Variants in NME9 observed in about 807,000 individuals in gnomAD.
NME9 encodes thioredoxin domain-containing protein 6.
NME9 carries 48 observed loss-of-function variants against 44.4 expected under a neutral mutation model. That is an observed-to-expected ratio of 1.08 (90% CI 0.86 to 1.37). The LOEUF (loss-of-function observed/expected upper bound fraction) is 1.37. Ranked by LOEUF, NME9 falls within the 40% of genes most tolerant of loss-of-function variation. NME9 has a pLI of 0.00. For synonymous variants in NME9, 139 were observed against 147.1 expected (o/e 0.94, Z 0.40); for missense variants, 325 against 405.2 (o/e 0.80, Z 1.70).
intron 8 of NME9, chr3:138,290,486 T>C (rs1283626650): frequency 2.4e-6 from 3 of 1,231,480 alleles, no homozygotes; most frequent in Middle Eastern, 3.8e-4. Flanking sequence ...TTGTTAATTG[T>C]ACATCAAAGA....
Position 138,324,284 on chromosome 3 carries a change from G to A in NME9, c.91+589C>T, listed in dbSNP as rs1475708770. On this transcript the variant is annotated intron_variant, in intron 2 of 10. Transcript: ENST00000333911. The stretch of plus-strand genomic sequence containing the variant: ...CTCGTTGAGCCTTGAGATCCCGTCT[G>A]ATACCTTAACTACCGTGGTGAGACA... 1.4e-5 allele frequency: 5 copies of A among 350,424 alleles called. No individual in the cohort carries two copies. The Admixed American group carries it at 1.8e-4, about 13-fold the overall frequency. The allele number at this position is 350,424 out of a possible 1,614,324, so 21.7% of individuals were successfully genotyped here.
chr3:138,318,872 A>T (rs1268700719), intron 3 of NME9, among the ~76,000 whole-genome samples: 1 of 152,166 alleles, frequency 6.6e-6, no homozygotes, highest in Non-Finnish European at 1.5e-5. Context: ...TTGCTCTGAA[A>T]ATGACATTTC....
In NME9 at chr3:138,301,609, T is replaced by C. The variant is rs987663683; in HGVS notation, c.*31A>G. The C allele has an allele frequency of 6.5e-7, 1 of 1,535,936 alleles. No homozygotes were observed. Among genetic ancestry groups the C allele is most frequent in the African/African-American group, 1.4e-5 (1 of 73,044 alleles). The stretch of plus-strand genomic sequence containing the variant: ...TCTGTTTTGTGCAGTAGACCCCTGG[T>C]CACGTGCTCTGGAAGAGCAGCACAG... On this transcript the variant is annotated 3_prime_UTR_variant, in exon 11 of 11. Coordinates refer to ENST00000333911, the MANE Select transcript of NME9 (RefSeq NM_001349018.2).
intron 2 of NME9, 94 bp downstream of exon 2, chr3:138,324,779 T>C (rs2053677725): frequency 3.3e-6 from 3 of 910,866 alleles, no homozygotes; most frequent in Admixed American, 3.6e-5. Context: ...AATAGGAAAG[T>C]GGTGTTCATT....
chr3:138,322,072 G>T (rs529375317), intron 2 of NME9, among the ~76,000 whole-genome samples: 2 of 151,820 alleles, frequency 1.3e-5, no homozygotes, highest in African/African-American at 4.8e-5. Context: ...GACAGATTTT[G>T]TTTTTTTTAA....
In NME9 at chr3:138,283,581, C is replaced by T. The variant is rs76246933; in HGVS notation, c.745+19926G>A. Among the ~76,000 whole-genome samples, 1,049 of 152,266 alleles carry T rather than the reference C, an allele frequency of 6.9e-3. 9 individuals carry two copies. Among genetic ancestry groups the T allele is most frequent in the African/African-American group, 0.024 (1,001 of 41,534 alleles). ...CCTGATGCCCTGCAGAGGGCATACC[C>T]ATAATAGTTACTTAGTAAATGGTTT... On this transcript the variant is annotated intron_variant, in intron 8 of 8. Transcript: ENST00000317876.
chr3:138,305,097 A>C, intron 8 of NME9, 70 bp from the exon 9 acceptor site: 1 of 1,439,858 alleles, frequency 6.9e-7, no homozygotes, highest in African/African-American at 1.4e-5. Flanking sequence ...CAGCGAGCCC[A>C]TCTCACCCAC....
chr3:138,324,986 T>G, intron 1 of NME9, 56 bp from the exon 2 acceptor site: 1 of 1,365,986 alleles, frequency 7.3e-7, no homozygotes. Context: ...AGGGAAACAA[T>G]TCAATCTATT....
At chr3:138,287,617 C>G (rs1309399007) in intron 8 of NME9, 1 of 456,510 alleles carries the variant, frequency 2.2e-6, no homozygotes, top group Admixed American at 2.3e-5. Flanking sequence ...AAGTTTTATT[C>G]TGTTTTGTCT....
At chr3:138,301,800 G>T in intron 10 of NME9, 96 bp from the exon 11 acceptor site, 2 of 985,186 alleles carry the variant, frequency 2.0e-6, no homozygotes, top group Non-Finnish European at 1.5e-6. Context: ...GAAGTTAAAG[G>T]TCAGAGCAGG....
intron 8 of NME9, among the ~76,000 whole-genome samples, chr3:138,288,763 T>A (rs2050667406): frequency 6.6e-6 from 1 of 150,550 alleles, no homozygotes; most frequent in South Asian, 2.1e-4. Context: ...TCAGCCTCCC[T>A]AGTAGCTGAG....
At chr3:138,278,900 G>T (rs13059110) in intron 8 of NME9, among the ~76,000 whole-genome samples, 13,518 of 152,116 alleles carry the variant, frequency 0.089, 785 homozygotes, top group Non-Finnish European at 0.14. Context: ...CTTGTATCCT[G>T]CATTCTTGCC....
chr3:138,310,026 A>C (rs1037432362), intron 6 of NME9, among the ~76,000 whole-genome samples: 3 of 152,064 alleles, frequency 2.0e-5, no homozygotes, highest in African/African-American at 7.2e-5. Flanking sequence ...AAAAAAAAAA[A>C]AGAAAAGAAA....
At chr3:138,306,260 A>C in intron 7 of NME9, 138 bp downstream of exon 7, 1 of 847,752 alleles carries the variant, frequency 1.2e-6, no homozygotes, top group Admixed American at 2.0e-5. Flanking sequence ...ATTTTCATTT[A>C]CTTGAATGGA....
intron 8 of NME9, among the ~76,000 whole-genome samples, chr3:138,293,402 G>A (rs1167275064): frequency 6.6e-6 from 1 of 152,194 alleles, no homozygotes; most frequent in African/African-American, 2.4e-5. Context: ...AGCAGGGCAT[G>A]GTAGTACGTG....
At chr3:138,313,871 A>G (rs1473229938) in intron 6 of NME9, among the ~76,000 whole-genome samples, 1 of 152,216 alleles carries the variant, frequency 6.6e-6, no homozygotes, top group Non-Finnish European at 1.5e-5. Context: ...GGATCTCATG[A>G]AGATAGAGAG....
At chr3:138,308,517 G>A (rs565614667) in intron 6 of NME9, among the ~76,000 whole-genome samples, 12 of 152,248 alleles carry the variant, frequency 7.9e-5, no homozygotes, top group East Asian at 1.9e-4. Context: ...AATATTTGGG[G>A]AACACAGGAA....
chr3:138,284,398 T>C, intron 8 of NME9: 3 of 1,554,970 alleles, frequency 1.9e-6, no homozygotes, highest in East Asian at 4.5e-5. Context: ...ACTTCAGAGC[T>C]TTCCTGACTG....
chr3:138,263,838 G>A (rs1396114523), intron 8 of NME9: 5 of 1,610,374 alleles, frequency 3.1e-6, no homozygotes, highest in Non-Finnish European at 4.2e-6. Flanking sequence ...GCTTTAAATG[G>A]TCTGAATAAA....
Sources: allele counts gnomAD v4.1 joint callset (sites outside exome capture counted in the v4.1 genomes callset), GRCh38; gene constraint gnomAD v4.1.1; transcripts MANE v1.5; gene names NCBI Gene and HGNC (gene_info 2026-07-23, HGNC 2026-07-21).